PCGF6: variants seen among roughly 807,000 people sequenced by gnomAD.
PCGF6 encodes polycomb group ring finger 6, also known as polycomb group RING finger protein 6.
A neutral mutation model predicts 45.5 loss-of-function variants in PCGF6; 24 were observed. The ratio of observed to expected loss-of-function variants is 0.53; its 90% CI spans 0.38 to 0.74. The LOEUF is 0.74. PCGF6 is among the 30% of genes least tolerant of loss of function. The probability of loss-of-function intolerance (pLI) is 0.00; values close to 1 mark genes in which losing one functional copy is unlikely to be tolerated. For missense variants in PCGF6, 356 were observed against 443.2 expected, an observed-to-expected ratio of 0.80 and a Z score of 1.77; for synonymous variants, 152 against 162.1, an observed-to-expected ratio of 0.94 and a Z score of 0.47.
intron 8 of PCGF6, among the ~76,000 whole-genome samples, chr10:103,323,976 G>C (rs2093207166): frequency 6.6e-6 from 1 of 152,008 alleles, no homozygotes; most frequent in African/African-American, 2.4e-5. Context: ...TTATCACTCT[G>C]TCGCCCAGGC....
At chr10:103,314,954 TA>T (rs60182387) in intron 8 of PCGF6, among the ~76,000 whole-genome samples, 15,414 of 56,328 alleles carry the variant, frequency 0.27, 645 homozygotes, top group Admixed American at 0.32. Flanking sequence ...GACTCTGTCA[TA>T]AAAAAAAAAA....
At chr10:103,321,257 G>C (rs1481874280) in intron 8 of PCGF6, among the ~76,000 whole-genome samples, 6 of 151,968 alleles carry the variant, frequency 3.9e-5, no homozygotes, top group Non-Finnish European at 7.4e-5. Flanking sequence ...CCTACCTCAG[G>C]CTCCAGAGTA....
intron 7 of PCGF6, among the ~76,000 whole-genome samples, chr10:103,333,481 T>A (rs924934812): frequency 6.6e-6 from 1 of 152,186 alleles, no homozygotes; most frequent in African/African-American, 2.4e-5. Flanking sequence ...ATGTTACCTG[T>A]GATTTCGGAA....
intron 7 of PCGF6, among the ~76,000 whole-genome samples, chr10:103,329,134 G>C (rs1382343004): frequency 6.6e-6 from 1 of 151,852 alleles, no homozygotes; most frequent in Non-Finnish European, 1.5e-5. Flanking sequence ...CTGCCTCTTG[G>C]ATTCAAGTGA....
chr10:103,304,879 A>C (rs2093132623), intron 9 of PCGF6, among the ~76,000 whole-genome samples: 1 of 151,556 alleles, frequency 6.6e-6, no homozygotes, highest in Non-Finnish European at 1.5e-5. Flanking sequence ...GGGCTCAAAC[A>C]ATCTGCCTGT....
intron 6 of PCGF6, among the ~76,000 whole-genome samples, chr10:103,341,532 C>T (rs950369668): frequency 6.6e-5 from 10 of 151,214 alleles, no homozygotes; most frequent in Non-Finnish European, 1.0e-4. Context: ...CTCCGCCTCT[C>T]GGATTCAAGT....
chr10:103,304,302 A>G (rs2093129785), intron 9 of PCGF6, among the ~76,000 whole-genome samples: 1 of 151,708 alleles, frequency 6.6e-6, no homozygotes, highest in South Asian at 2.1e-4. Flanking sequence ...ATACTCAGCT[A>G]ATTTTTGTAC....
At chr10:103,348,850 G>T in intron 2 of PCGF6, 38 bp from the exon 3 acceptor site, 1 of 1,603,122 alleles carries the variant, frequency 6.2e-7, no homozygotes, top group African/African-American at 1.3e-5. Context: ...ATGCTTTCAA[G>T]ACATTTCAAA....
At position 103,309,317 on chromosome 10, in the gene PCGF6, G is replaced by A. The variant is rs573643371; in HGVS notation, c.996+4869C>T. Among the ~76,000 whole-genome samples the A allele has an allele frequency of 1.5e-4, 23 of 152,274 alleles. No individual in the cohort carries two copies. The East Asian group carries it at 4.2e-3, about 28-fold the overall frequency. ...GCCTGGTGGGAGGTGATTGGATCAC[G>A]GGGTTGGATTTCTCATGAATGGTTT... On this transcript the variant is annotated intron_variant, in intron 9 of 9. Coordinates refer to ENST00000369847, the MANE Select transcript of PCGF6 (RefSeq NM_001011663.2).
chr10:103,316,626 C>T (rs75890466), intron 8 of PCGF6, among the ~76,000 whole-genome samples: 12,923 of 152,110 alleles, frequency 0.085, 645 homozygotes, highest in Middle Eastern at 0.15. Flanking sequence ...TCTCAGGGGT[C>T]GGCAAACCGT....
chr10:103,343,748 C>T (rs1229441632), intron 6 of PCGF6, among the ~76,000 whole-genome samples: 3 of 132,916 alleles, frequency 2.3e-5, no homozygotes, highest in African/African-American at 8.3e-5. Flanking sequence ...CAGGAGAATC[C>T]CCTGAACCTG....
At chr10:103,315,044 G>A (rs1286707321) in intron 8 of PCGF6, among the ~76,000 whole-genome samples, 2 of 150,964 alleles carry the variant, frequency 1.3e-5, no homozygotes, top group African/African-American at 2.4e-5. Context: ...ATTCTCTTAG[G>A]AGGAATATCT....
rs761519604 is a variant in PCGF6 at position 103,314,206 on chromosome 10, T to C, written c.976A>G (p.Ile326Val). The change falls in exon 9 of 10, where the codon ATA becomes GTA. Residue 326 changes from isoleucine (I) to valine (V), a missense_variant. By Grantham distance (29) the Ile-to-Val change is conservative. This residue lies in a region of PCGF6 where 49 missense variants were observed against 93.0 expected (regional missense o/e 0.53). Coordinates refer to ENST00000369847, the MANE Select transcript of PCGF6 (RefSeq NM_001011663.2). ...CCTACCTGCATTGCTGCATCACCTA[T>C]TGCACGTCGGATTTCCCTTAGAGTT... ...YQTLREIRRAIGDAAMQDGLL... is the reference protein window; with the variant it reads ...YQTLREIRRAVGDAAMQDGLL... 58 of 1,604,442 alleles carry C rather than the reference T, an allele frequency of 3.6e-5. No homozygotes were observed. The South Asian group carries it at 3.6e-4, about 10-fold the overall frequency.
intron 6 of PCGF6, among the ~76,000 whole-genome samples, chr10:103,336,264 A>G (rs11191658): frequency 0.27 from 40,750 of 151,294 alleles, 6,564 homozygotes; most frequent in South Asian, 0.5. Context: ...AAATAAATAA[A>G]TAAAAAGAAA....
intron 8 of PCGF6, among the ~76,000 whole-genome samples, chr10:103,322,286 G>A (rs2093200439): frequency 1.3e-5 from 2 of 151,960 alleles, no homozygotes; most frequent in Admixed American, 6.6e-5. Flanking sequence ...CTGTAGCCTG[G>A]ATCTCCCAGG....
chr10:103,323,487 G>A (rs564142228), intron 8 of PCGF6, among the ~76,000 whole-genome samples: 13 of 152,222 alleles, frequency 8.5e-5, no homozygotes, highest in Non-Finnish European at 1.3e-4. Context: ...GTAGAGATGC[G>A]GTTTACCATG....
chr10:103,350,915 G>T lies in PCGF6; in HGVS notation c.152C>A (p.Thr51Lys), dbSNP rs986072436. Reference protein sequence around the residue: ...GEEGPAPLSETGAPGCSGSRP... With the variant: ...GEEGPAPLSEKGAPGCSGSRP... Reference sequence around the variant, plus strand: ...GGAGCCGGAGCAGCCGGGAGCCCCCGTCTCAGACAGAGGCGCCGGTCCCTC... The same window carrying T: ...GGAGCCGGAGCAGCCGGGAGCCCCCTTCTCAGACAGAGGCGCCGGTCCCTC... Residue 51 changes from threonine (T) to lysine (K), a missense_variant, in exon 1 of 10, where the codon ACG becomes AAG. By Grantham distance (78) the Thr-to-Lys change is moderately conservative. This residue lies in a region of PCGF6 where 307 missense variants were observed against 350.1 expected (regional missense o/e 0.88). Transcript: ENST00000369847. 21 of 1,514,394 alleles carry T rather than the reference G, an allele frequency of 1.4e-5. No individual in the cohort carries two copies. The highest frequency in any genetic ancestry group is 1.8e-5 in the Non-Finnish European group (21 of 1,136,122). 93.8% of individuals were successfully genotyped at this position (1,514,394 alleles called of 1,614,324 possible). A position where few individuals can be genotyped will look rare whatever the true frequency, so the allele number is the denominator to read the frequency against.
chr10:103,336,976 G>C (rs2093259545), intron 6 of PCGF6, among the ~76,000 whole-genome samples: 1 of 152,084 alleles, frequency 6.6e-6, no homozygotes, highest in Admixed American at 6.6e-5. Flanking sequence ...TTGTGAATCA[G>C]ACCAATTTTT....
chr10:103,345,545 C>T (rs912902902), intron 5 of PCGF6, among the ~76,000 whole-genome samples: 22 of 151,840 alleles, frequency 1.4e-4, no homozygotes, highest in African/African-American at 4.8e-4. Context: ...GAAACTGAGA[C>T]CGCCAGTCGC....
Sources: allele counts gnomAD v4.1 joint callset (sites outside exome capture counted in the v4.1 genomes callset), GRCh38; gene constraint gnomAD v4.1.1; regional missense constraint gnomAD v4.1.1; transcripts MANE v1.5; gene names NCBI Gene and HGNC (gene_info 2026-07-23, HGNC 2026-07-21).